FAM163B: variants seen among roughly 807,000 people sequenced by gnomAD.
FAM163B encodes family with sequence similarity 163 member B.
A neutral mutation model predicts 7.6 loss-of-function variants in FAM163B; 4 were observed. The observed-to-expected ratio is 0.52, with a 90% CI of 0.26 to 1.20. The LOEUF (loss-of-function observed/expected upper bound fraction) is 1.20, where lower values mean the gene tolerates loss of function less well. Ranked by LOEUF, FAM163B falls within the 50% of genes most tolerant of loss-of-function variation. The pLI, the probability that FAM163B is intolerant of heterozygous loss-of-function variation, is 0.14. For synonymous variants in FAM163B, 120 were observed against 111.6 expected (o/e 1.07, Z -0.47); for missense variants, 250 against 243.0 (o/e 1.03, Z -0.19).
At chr9:133,599,699 CTG>C (rs1187447184) in intron 1 of FAM163B, among the ~76,000 whole-genome samples, 3 of 147,032 alleles carry the variant, frequency 2.0e-5, no homozygotes, top group South Asian at 2.2e-4. Context: ...GCATGTGTAT[CTG>C]TGCATGTGTG....
Position 133,606,235 on chromosome 9 carries a change from C to T in FAM163B, c.-24+2842G>A, listed in dbSNP as rs1350295213. ...CTCTACCTCCACCAGCCCACTTCAC[C>T]CCAGGGGCAACAGGATTCCTTCCCC... On this transcript the variant is annotated intron_variant, in intron 1 of 2. Coordinates refer to ENST00000673969, the MANE Select transcript of FAM163B (RefSeq NM_001080515.3). The surrounding 1 kb of genome is among the most constrained non-coding windows in gnomAD (Gnocchi z 4.0). Among the ~76,000 whole-genome samples, 3 of 152,232 alleles carry T rather than the reference C, an allele frequency of 2.0e-5. No homozygotes were observed. Among genetic ancestry groups the T allele is most frequent in the Non-Finnish European group, 2.9e-5 (2 of 68,028 alleles).
intron 2 of FAM163B, 98 bp downstream of exon 2, chr9:133,580,033 G>A (rs1831331558): frequency 2.0e-6 from 2 of 1,000,466 alleles, no homozygotes; most frequent in Non-Finnish European, 1.5e-6. Context: ...CACTTCCCGG[G>A]CCGTGACCCT....
chr9:133,601,327 G>A lies in FAM163B; in HGVS notation c.-24+7750C>T, dbSNP rs1376855843. Among the ~76,000 whole-genome samples the A allele has an allele frequency of 1.3e-5, 2 of 152,222 alleles. No homozygotes were observed. Among genetic ancestry groups the A allele is most frequent in the African/African-American group, 4.8e-5 (2 of 41,460 alleles). On this transcript the variant is annotated intron_variant, in intron 1 of 2. Coordinates refer to ENST00000673969, the MANE Select transcript of FAM163B (RefSeq NM_001080515.3). This position sits in a 1 kb window ranked among gnomAD's most constrained non-coding sequence, Gnocchi z 4.1. ...AAGGCTTCAGCAAAGACCCTGCCTG[G>A]AGCAATTTTTTAACATTAATTCTCC... is the stretch of plus-strand genomic sequence containing the variant.
chr9:133,599,945 ATATG>A (rs1484766734), intron 1 of FAM163B, among the ~76,000 whole-genome samples: 7 of 127,880 alleles, frequency 5.5e-5, no homozygotes, highest in Non-Finnish European at 1.1e-4. Context: ...GTCTATGTGC[ATATG>A]TGTGTGCGTG....
At chr9:133,594,983 C>T (rs12342363) in intron 1 of FAM163B, among the ~76,000 whole-genome samples, 14,477 of 152,132 alleles carry the variant, frequency 0.095, 1,505 homozygotes, top group African/African-American at 0.26. Context: ...GGCAGCAGGG[C>T]GTTGGTGCCT....
At chr9:133,580,386 G>A (rs1564189820) in intron 1 of FAM163B, 140 bp from the exon 2 acceptor site, 6 of 682,896 alleles carry the variant, frequency 8.8e-6, no homozygotes, top group African/African-American at 3.6e-5. Flanking sequence ...GGGCTCTGCC[G>A]GGGACGGGGT....
intron 1 of FAM163B, among the ~76,000 whole-genome samples, chr9:133,590,073 C>T (rs1440281574): frequency 7.0e-5 from 3 of 43,108 alleles, no homozygotes; most frequent in Non-Finnish European, 1.5e-4. Flanking sequence ...TTCCCCTTCC[C>T]TTCCCCTTCC....
At chr9:133,607,169 G>A (rs1335124276) in intron 1 of FAM163B, among the ~76,000 whole-genome samples, 1 of 152,168 alleles carries the variant, frequency 6.6e-6, no homozygotes, top group Non-Finnish European at 1.5e-5. Context: ...GATGAACAGA[G>A]CTGTAATGGC....
chr9:133,607,564 TGG>T (rs1831805398), intron 1 of FAM163B, among the ~76,000 whole-genome samples: 1 of 152,212 alleles, frequency 6.6e-6, no homozygotes, highest in South Asian at 2.1e-4. Context: ...GCACTGAGGC[TGG>T]GAGAGCCTGT....
chr9:133,586,341 T>C (rs2131227783), intron 1 of FAM163B: 1 of 152,602 alleles, frequency 6.6e-6, no homozygotes, highest in South Asian at 2.1e-4. Context: ...TTGCGGTCTG[T>C]CTAGGAGGCA....
chr9:133,582,495 C>T (rs1044235089), intron 1 of FAM163B, among the ~76,000 whole-genome samples: 14 of 152,182 alleles, frequency 9.2e-5, no homozygotes, highest in African/African-American at 3.4e-4. Flanking sequence ...ACCTTGGGGC[C>T]CCTGCCACCC....
Position 133,600,724 on chromosome 9 carries a change from T to TG in FAM163B, c.-24+8352_-24+8353insC, listed in dbSNP as rs1831718232. Among the ~76,000 whole-genome samples, 4 of 62,724 alleles carry TG rather than the reference T, an allele frequency of 6.4e-5. No homozygotes were observed. The highest frequency in any genetic ancestry group is 5.1e-4 in the African/African-American group (4 of 7,910). The allele number at this position is 62,724 out of a possible 152,430, so 41.1% of individuals were successfully genotyped here. Reference sequence around the variant, plus strand: ...ATCTTAAAGCCACATTTTAGAGTCTTAAAAATCAGAACATGCAACCAGTGG... The same window carrying TG: ...ATCTTAAAGCCACATTTTAGAGTCTTGAAAAATCAGAACATGCAACCAGTGG... On this transcript the variant is annotated intron_variant, in intron 1 of 2. Transcript: ENST00000673969. This position sits in a 1 kb window ranked among gnomAD's most constrained non-coding sequence, Gnocchi z 4.9.
intron 2 of FAM163B, 72 bp downstream of exon 2, chr9:133,580,059 G>T: frequency 7.5e-7 from 1 of 1,324,896 alleles, no homozygotes; most frequent in Non-Finnish European, 1.1e-6. Flanking sequence ...CCTTCAGGCG[G>T]GGCTCCCTCC....
intron 1 of FAM163B, among the ~76,000 whole-genome samples, chr9:133,590,063 T>TTCCC (rs1831516862): frequency 1.2e-4 from 1 of 8,656 alleles, no homozygotes; most frequent in Non-Finnish European, 2.3e-4. Flanking sequence ...TTCCCTTCCC[T>TTCCC]TCCCCTTCCC....
In FAM163B at chr9:133,606,320, G is replaced by C. The variant is rs898653272; in HGVS notation, c.-24+2757C>G. ...AAGGCCTGCGGGAGGATTCAGCAAC[G>C]GAGGGAGGGAGCTGGCAAACACTGA... On this transcript the variant is annotated intron_variant, in intron 1 of 2. Transcript: ENST00000673969. This position sits in a 1 kb window ranked among gnomAD's most constrained non-coding sequence, Gnocchi z 4.0. Among the ~76,000 whole-genome samples the C allele has an allele frequency of 1.3e-5, 2 of 152,234 alleles. No individual in the cohort carries two copies. Among genetic ancestry groups the C allele is most frequent in the Non-Finnish European group, 1.5e-5 (1 of 68,036 alleles).
rs1259630426 is a variant in FAM163B at position 133,578,952 on chromosome 9, T to G, written c.*70A>C. 9.7e-6 allele frequency: 14 copies of G among 1,440,914 alleles called. No individual in the cohort carries two copies. The African/African-American group carries it at 2.0e-4, about 21-fold the overall frequency. 89.3% of individuals were successfully genotyped at this position (1,440,914 alleles called of 1,614,324 possible). A position where few individuals can be genotyped will look rare whatever the true frequency, so the allele number is the denominator to read the frequency against. ...GCCCCACTTGGGGCCTGGGGCCAGG[T>G]GGGTGTGCCAAAGGAATCCCCCCAT... On this transcript the variant is annotated 3_prime_UTR_variant, in exon 3 of 3. Transcript: ENST00000673969.
At chr9:133,598,420 A>C (rs534014128) in intron 1 of FAM163B, among the ~76,000 whole-genome samples, 10 of 152,090 alleles carry the variant, frequency 6.6e-5, no homozygotes, top group South Asian at 2.1e-4. Flanking sequence ...GAAAAAAAAA[A>C]AACAACAAAC....
chr9:133,590,131 TCCCCTCCCCTTCCCCTCCCCTTCCCCTC>T (rs1831525949), intron 1 of FAM163B, among the ~76,000 whole-genome samples: 1 of 29,034 alleles, frequency 3.4e-5, no homozygotes, highest in African/African-American at 1.2e-4. Context: ...CCCCTCCCCT[TCCCCTCCCCTTCCCCTCCCCTTCCCCTC>T]CCCTTCCCCT....
intron 1 of FAM163B, among the ~76,000 whole-genome samples, 156 bp from the exon 2 acceptor site, chr9:133,580,402 A>T (rs1283718941): frequency 6.6e-6 from 1 of 152,242 alleles, no homozygotes; most frequent in Non-Finnish European, 1.5e-5. Context: ...GGGGTGCAGC[A>T]GGAGCCCAGG....
Sources: allele counts gnomAD v4.1 joint callset (sites outside exome capture counted in the v4.1 genomes callset), GRCh38; gene constraint gnomAD v4.1.1; non-coding constraint Gnocchi (gnomAD v3.1); transcripts MANE v1.5; gene names NCBI Gene and HGNC (gene_info 2026-07-23, HGNC 2026-07-21).